The following PCDHAC2 variants were observed in gnomAD, a reference collection of about 807,000 sequenced individuals.
PCDHAC2 encodes the protein protocadherin alpha-C2.
A neutral mutation model predicts 63.3 loss-of-function variants in PCDHAC2; 24 were observed. The ratio of observed to expected loss-of-function variants is 0.38; its 90% confidence interval spans 0.27 to 0.53. PCDHAC2 has a LOEUF of 0.53. Among genes scored for constraint, PCDHAC2 ranks in the 20% least tolerant of loss-of-function variants. The pLI is 0.81. For missense variants in PCDHAC2, 1,181 were observed against 1,275.2 expected (o/e 0.93, Z 1.12); for synonymous variants, 569 against 529.4 (o/e 1.07, Z -1.03).
intron 3 of PCDHAC2, among the ~76,000 whole-genome samples, chr5:141,006,369 G>A (rs2098270445): frequency 1.3e-5 from 2 of 151,784 alleles, no homozygotes; most frequent in Admixed American, 6.6e-5. Context: ...CCACCACCAC[G>A]CCCGGCTAAG....
chr5:140,967,745 G>A lies in PCDHAC2; in HGVS notation c.979G>A (p.Glu327Lys). Residue 327 changes from glutamate (E) to lysine (K), a missense_variant, in exon 1 of 4, where the codon GAA becomes AAA. Coordinates refer to ENST00000289269, the MANE Select transcript of PCDHAC2 (RefSeq NM_018899.6). ...VRVIGGLDYE[E>K]ASSYQIYVQA... ...AGTAATTGGGGGGCTGGATTATGAG[G>A]AAGCCTCCTCCTACCAGATCTATGT... 1 of 1,614,184 alleles carries A rather than the reference G, an allele frequency of 6.2e-7. No homozygotes were observed. The highest frequency in any genetic ancestry group is 8.5e-7 in the Non-Finnish European group (1 of 1,180,036).
chr5:140,966,882 C>A lies in PCDHAC2; in HGVS notation c.116C>A (p.Pro39His), dbSNP rs782464160. 1 of 1,589,690 alleles carries A rather than the reference C, an allele frequency of 6.3e-7. No homozygotes were observed. The highest frequency in any genetic ancestry group is 8.5e-7 in the Non-Finnish European group (1 of 1,171,434). The change falls in exon 1 of 4, where the codon CCT becomes CAT. Residue 39 changes from proline (P) to histidine (H), a missense_variant. Physicochemically the swap from Pro to His is moderately conservative, Grantham distance 77. This residue lies in a region of PCDHAC2 where 210 missense variants were observed against 184.9 expected (regional missense o/e 1.14). Transcript: ENST00000289269. ...CTGTTGCTGCTGCTGCTACCTGGCC[C>A]TGCGGCCTCCCAGCTGCGATACTCT... ...LLLLLLLLPG[P>H]AASQLRYSVP...
intron 3 of PCDHAC2, among the ~76,000 whole-genome samples, chr5:141,007,447 A>T (rs2153992021): frequency 6.6e-6 from 1 of 151,258 alleles, no homozygotes; most frequent in South Asian, 2.1e-4. Flanking sequence ...ATGTGCCTGT[A>T]GTCCCAGCTA....
intron 3 of PCDHAC2, among the ~76,000 whole-genome samples, chr5:141,001,477 A>T (rs2098020508): frequency 6.6e-6 from 1 of 152,176 alleles, no homozygotes; most frequent in South Asian, 2.1e-4. Flanking sequence ...AGCAGCGGGG[A>T]AGTGCTGGAA....
chr5:140,966,826 G>T lies in PCDHAC2; in HGVS notation c.60G>T (p.Met20Ile). The change falls in exon 1 of 4, where the codon ATG (methionine) becomes ATT (isoleucine). Residue 20 changes from methionine to isoleucine, a missense_variant. Coordinates refer to ENST00000289269, the MANE Select transcript of PCDHAC2 (RefSeq NM_018899.6). ...ATEHPRLRRP[M>I]PWLLLLPLLL... ...AGCATCCACGGCTCCGGCGGCCCAT[G>T]CCCTGGCTGCTGCTACTGCCTCTCC... The T allele has an allele frequency of 3.2e-6, 5 of 1,560,694 alleles. No individual in the cohort carries two copies. Among genetic ancestry groups the T allele is most frequent in the Non-Finnish European group, 4.3e-6 (5 of 1,157,284 alleles).
chr5:140,971,067 G>A (rs1270982335), intron 1 of PCDHAC2, among the ~76,000 whole-genome samples: 1 of 152,204 alleles, frequency 6.6e-6, no homozygotes, highest in Non-Finnish European at 1.5e-5. Flanking sequence ...TAAGGTTGCT[G>A]TAGACATTTG....
chr5:140,982,380 C>G, intron 2 of PCDHAC2, 95 bp from the exon 3 acceptor site: 1 of 1,577,206 alleles, frequency 6.3e-7, no homozygotes, highest in Non-Finnish European at 8.6e-7. Flanking sequence ...AGCTGCAGCC[C>G]TGGCTTCATA....
At chr5:140,990,445 A>C (rs1212288513) in intron 3 of PCDHAC2, among the ~76,000 whole-genome samples, 2 of 152,140 alleles carry the variant, frequency 1.3e-5, no homozygotes, top group Non-Finnish European at 2.9e-5. Context: ...TTGTGTCCAG[A>C]GCTGTTGCTG....
At chr5:141,004,449 A>G (rs2098166973) in intron 3 of PCDHAC2, among the ~76,000 whole-genome samples, 1 of 152,180 alleles carries the variant, frequency 6.6e-6, no homozygotes. Flanking sequence ...GTCATATAGA[A>G]CCAGGAAGCT....
chr5:140,986,777 G>A (rs1203790689), intron 3 of PCDHAC2, among the ~76,000 whole-genome samples: 5 of 152,234 alleles, frequency 3.3e-5, no homozygotes, highest in Admixed American at 6.5e-5. Flanking sequence ...ATTAGGTAGC[G>A]GAAGCCACTA....
Position 140,966,477 on chromosome 5 carries a change from T to C in PCDHAC2, c.-290T>C. 2.3e-6 allele frequency: 1 copy of C among 432,754 alleles called. No individual in the cohort carries two copies. Among genetic ancestry groups the C allele is most frequent in the Non-Finnish European group, 4.0e-6 (1 of 249,506 alleles). The allele number at this position is 432,754 out of a possible 1,614,324, so 26.8% of individuals were successfully genotyped here. On this transcript the variant is annotated 5_prime_UTR_variant, in exon 1 of 4. Coordinates refer to ENST00000289269, the MANE Select transcript of PCDHAC2 (RefSeq NM_018899.6). ...CCCCTCTGTCTTCCCTTCTGTTTCC[T>C]TTTCCCTCCCCCTGGAGCTGTAGCG...
chr5:140,968,969 A>C lies in PCDHAC2; in HGVS notation c.2203A>C (p.Thr735Pro). 1.2e-6 allele frequency: 2 copies of C among 1,614,230 alleles called. No individual in the cohort carries two copies. The change falls in exon 1 of 4, where the codon ACT (threonine) becomes CCT (proline). Residue 735 changes from threonine to proline, a missense_variant. Transcript: ENST00000289269. ...ILSIIKCYRY[T>P]AYGTACCGGF... ...GAGCATCATCAAGTGCTACCGCTACACTGCGTATGGCACTGCATGCTGTGG... is the reference window on the plus strand; with the variant it reads ...GAGCATCATCAAGTGCTACCGCTACCCTGCGTATGGCACTGCATGCTGTGG...
chr5:140,998,708 G>A (rs2153953637), intron 3 of PCDHAC2, among the ~76,000 whole-genome samples: 1 of 152,142 alleles, frequency 6.6e-6, no homozygotes, highest in South Asian at 2.1e-4. Context: ...GGGATTACAA[G>A]CTTGCACCAC....
At chr5:140,984,987 G>C (rs1034950978) in intron 3 of PCDHAC2, among the ~76,000 whole-genome samples, 7 of 152,028 alleles carry the variant, frequency 4.6e-5, no homozygotes, top group Admixed American at 2.0e-4. Flanking sequence ...CCCCAGGCTG[G>C]AGTCCAGTGG....
chr5:141,009,654 C>T lies in PCDHAC2; in HGVS notation c.2741C>T (p.Pro914Leu). 4 of 1,614,012 alleles carry T rather than the reference C, an allele frequency of 2.5e-6. No individual in the cohort carries two copies. The highest frequency in any genetic ancestry group is 3.4e-6 in the Non-Finnish European group (4 of 1,179,962). The change falls in exon 4 of 4, where the codon CCA becomes CTA. Residue 914 changes from proline to leucine, a missense_variant. Pro to Leu is a moderately conservative substitution (Grantham distance 98, BLOSUM62 -3). This residue lies in a region of PCDHAC2 where 968 missense variants were observed against 1,073.5 expected (regional missense o/e 0.90). Coordinates refer to ENST00000289269, the MANE Select transcript of PCDHAC2 (RefSeq NM_018899.6). ...CCAGAGGCAGGAGAAGTGTCCCCTC[C>T]AGTCGGTGCGGGTGTCAACAGCAAC... ...PEPEAGEVSP[P>L]VGAGVNSNSW...
chr5:140,982,224 A>T, intron 2 of PCDHAC2: 1 of 587,320 alleles, frequency 1.7e-6, no homozygotes, highest in South Asian at 3.8e-5. Context: ...TGGCGTTAAT[A>T]AAAAACAGAA....
chr5:140,990,838 A>C (rs2097419271), intron 3 of PCDHAC2, among the ~76,000 whole-genome samples: 1 of 152,222 alleles, frequency 6.6e-6, no homozygotes, highest in Admixed American at 6.5e-5. Flanking sequence ...CCTATTAGCA[A>C]AAATAGAGCC....
intron 1 of PCDHAC2, among the ~76,000 whole-genome samples, chr5:140,971,037 TA>T (rs2096453416): frequency 1.3e-5 from 2 of 152,200 alleles, no homozygotes; most frequent in Admixed American, 6.5e-5. Context: ...TGAAAGCACG[TA>T]AAAGGGTTTA....
At chr5:140,998,347 T>C (rs2097807005) in intron 3 of PCDHAC2, among the ~76,000 whole-genome samples, 1 of 152,202 alleles carries the variant, frequency 6.6e-6, no homozygotes, top group Non-Finnish European at 1.5e-5. Context: ...TCTGAGTCTG[T>C]GCTCTTAACC....
Sources: gnomAD v4.1 joint callset for allele counts (sites outside exome capture counted in the v4.1 genomes callset) on GRCh38, gnomAD v4.1.1 for gene constraint, gnomAD v4.1.1 regional missense constraint, MANE v1.5 for transcripts, NCBI Gene and HGNC (gene_info 2026-07-23, HGNC 2026-07-21) for gene names.